FGF12: variants seen among roughly 807,000 people sequenced by gnomAD.
FGF12 encodes fibroblast growth factor 12B.
Under a neutral mutation model 23.6 loss-of-function variants are expected in FGF12, and 14 were observed. That is an observed-to-expected ratio of 0.59 (90% confidence interval 0.39 to 0.93). The LOEUF (loss-of-function observed/expected upper bound fraction) is 0.93, where lower values mean the gene tolerates loss of function less well. FGF12 is among the 40% of genes least tolerant of loss of function. The pLI is 0.00. For synonymous variants in FGF12, 62 were observed against 77.3 expected, an observed-to-expected ratio of 0.80 and a Z score of 1.04; for missense variants, 175 against 217.8, an observed-to-expected ratio of 0.80 and a Z score of 1.24.
chr3:192,665,929 T>C (rs1716855308), intron 2 of FGF12, among the ~76,000 whole-genome samples: 1 of 152,204 alleles, frequency 6.6e-6, no homozygotes, highest in Non-Finnish European at 1.5e-5. Context: ...TTGAATTGAT[T>C]CTCAAAGTTT....
intron 2 of FGF12, among the ~76,000 whole-genome samples, chr3:192,642,333 A>G (rs1875738): frequency 0.57 from 87,246 of 151,972 alleles, 25,448 homozygotes; most frequent in East Asian, 0.67. Context: ...CTGTTCAGTC[A>G]GCAAGAGATT....
intron 2 of FGF12, among the ~76,000 whole-genome samples, chr3:192,608,227 CT>C (rs1335207731): frequency 6.6e-6 from 1 of 152,040 alleles, no homozygotes. Flanking sequence ...TAGGATCTAG[CT>C]TTTGACAGCA....
intron 2 of FGF12, among the ~76,000 whole-genome samples, chr3:192,548,309 A>T (rs1725546943): frequency 6.6e-6 from 1 of 152,150 alleles, no homozygotes; most frequent in East Asian, 1.9e-4. Context: ...TAAAAATATA[A>T]AACACGAATC....
At chr3:192,375,420 T>C (rs1719440227) in intron 2 of FGF12, among the ~76,000 whole-genome samples, 1 of 152,190 alleles carries the variant, frequency 6.6e-6, no homozygotes, top group African/African-American at 2.4e-5. Flanking sequence ...ATTTTAGTAG[T>C]AATCCTTACA....
At position 192,409,081 on chromosome 3, in the gene FGF12, G is replaced by C; in HGVS notation, c.14-48543C>G. ...AGAGCGGGAGGCGAGGGAGGGGGGA[G>C]GGCGCGAGGGAGGGAGGGAGATCCT... On this transcript the variant is annotated intron_variant, in intron 2 of 5. Coordinates refer to ENST00000445105, the MANE Select transcript of FGF12 (RefSeq NM_004113.6). The surrounding 1 kb of genome is among the most constrained non-coding windows in gnomAD (Gnocchi z 4.8). 1 of 611,046 alleles carries C rather than the reference G, an allele frequency of 1.6e-6. No individual in the cohort carries two copies. 37.9% of individuals were successfully genotyped at this position (611,046 alleles called of 1,614,324 possible). A position where few individuals can be genotyped will look rare whatever the true frequency, so the allele number is the denominator to read the frequency against.
intron 2 of FGF12, among the ~76,000 whole-genome samples, chr3:192,549,720 C>A (rs1443388184): frequency 6.6e-6 from 1 of 152,088 alleles, no homozygotes; most frequent in Non-Finnish European, 1.5e-5. Context: ...CCTGAATAGA[C>A]AAAAAGGCTG....
intron 2 of FGF12, among the ~76,000 whole-genome samples, chr3:192,528,864 C>T (rs931280519): frequency 2.6e-5 from 4 of 152,132 alleles, no homozygotes; most frequent in African/African-American, 9.7e-5. Flanking sequence ...GCAGCTGGGA[C>T]ACAGGGCACC....
intron 2 of FGF12, among the ~76,000 whole-genome samples, chr3:192,570,720 C>T (rs2108604408): frequency 6.6e-6 from 1 of 152,230 alleles, no homozygotes; most frequent in South Asian, 2.1e-4. Context: ...TCAACACACA[C>T]ACACACATCC....
chr3:192,725,009 G>A (rs985233801), intron 2 of FGF12, among the ~76,000 whole-genome samples: 1 of 148,044 alleles, frequency 6.8e-6, no homozygotes, highest in Non-Finnish European at 1.5e-5. Flanking sequence ...AATTAGATTT[G>A]AATCTGTTGG....
chr3:192,288,017 A>G (rs909482565), intron 4 of FGF12, among the ~76,000 whole-genome samples: 1 of 152,016 alleles, frequency 6.6e-6, no homozygotes, highest in African/African-American at 2.4e-5. Flanking sequence ...TTAATAAGGC[A>G]CTAATCACTA....
chr3:192,231,258 T>G (rs1376760160), intron 4 of FGF12, among the ~76,000 whole-genome samples: 2 of 152,062 alleles, frequency 1.3e-5, no homozygotes, highest in Non-Finnish European at 2.9e-5. Context: ...AATCTGAAAA[T>G]GCCTATTTAG....
Position 192,437,580 on chromosome 3 carries a change from T to TA in FGF12, c.14-77043dup, listed in dbSNP as rs529988267. On this transcript the variant is annotated intron_variant, in intron 2 of 5. Coordinates refer to ENST00000445105, the MANE Select transcript of FGF12 (RefSeq NM_004113.6). ...GGTGGTGGGTGCCTGTAATCCCACC[T>TA]ACTCAGGAAGCTGAGGCAGAGAACT... Among the ~76,000 whole-genome samples the TA allele has an allele frequency of 5.8e-3, 881 of 152,164 alleles. 8 individuals are homozygous for TA. Among genetic ancestry groups the TA allele is most frequent in the African/African-American group, 0.019 (795 of 41,488 alleles).
intron 2 of FGF12, among the ~76,000 whole-genome samples, chr3:192,623,015 CCT>C (rs1233113977): frequency 1.3e-5 from 2 of 152,170 alleles, no homozygotes; most frequent in Non-Finnish European, 2.9e-5. Context: ...CTTCCTTTCC[CCT>C]CTGTTTACGT....
intron 2 of FGF12, among the ~76,000 whole-genome samples, chr3:192,610,880 ATTGT>A (rs1334376441): frequency 6.6e-6 from 1 of 151,960 alleles, no homozygotes; most frequent in Non-Finnish European, 1.5e-5. Context: ...ACCTCATTCC[ATTGT>A]TTGCTCAAAT....
intron 2 of FGF12, among the ~76,000 whole-genome samples, chr3:192,500,578 A>G (rs1724106479): frequency 6.6e-6 from 1 of 152,180 alleles, no homozygotes; most frequent in South Asian, 2.1e-4. Flanking sequence ...TTTACTGCCC[A>G]ATTGCTTCTG....
intron 2 of FGF12, among the ~76,000 whole-genome samples, chr3:192,363,290 T>C (rs747193161): frequency 5.3e-5 from 8 of 151,958 alleles, no homozygotes; most frequent in Non-Finnish European, 1.0e-4. Flanking sequence ...TGCATGCCAG[T>C]TTAGTCGTTA....
chr3:192,611,168 C>T (rs1208874803), intron 2 of FGF12, among the ~76,000 whole-genome samples: 3 of 151,984 alleles, frequency 2.0e-5, no homozygotes, highest in Non-Finnish European at 4.4e-5. Context: ...AGGGCCAGCT[C>T]CATTGCAATG....
chr3:192,191,233 T>A (rs572431641), intron 4 of FGF12, among the ~76,000 whole-genome samples: 265 of 152,156 alleles, frequency 1.7e-3, no homozygotes, highest in Non-Finnish European at 2.8e-3. Context: ...AAAAGTCAGG[T>A]GAATCCATGA....
At chr3:192,388,813 A>T (rs917866060) in intron 2 of FGF12, among the ~76,000 whole-genome samples, 20 of 151,994 alleles carry the variant, frequency 1.3e-4, no homozygotes, top group Non-Finnish European at 2.5e-4. Context: ...TTTAAAACAT[A>T]TTCAATTTTA....
Sources: gnomAD v4.1 joint callset for allele counts (sites outside exome capture counted in the v4.1 genomes callset) on GRCh38, gnomAD v4.1.1 for gene constraint, Gnocchi (gnomAD v3.1) non-coding constraint, MANE v1.5 for transcripts, NCBI Gene and HGNC (gene_info 2026-07-23, HGNC 2026-07-21) for gene names.